The following CA4 variants were observed in gnomAD, a reference collection of about 807,000 sequenced individuals.
CA4 encodes the protein CA-IV.
In CA4, 24 loss-of-function variants were observed where a neutral mutation model predicts 34.5. The observed-to-expected ratio is 0.70, with a 90% CI of 0.50 to 0.98. The LOEUF (loss-of-function observed/expected upper bound fraction) is 0.98, where lower values mean the gene tolerates loss of function less well. CA4 is among the 50% of genes least tolerant of loss of function. The pLI, the probability that CA4 is intolerant of heterozygous loss-of-function variation, is 0.00. For synonymous variants in CA4, 178 were observed against 170.6 expected, an observed-to-expected ratio of 1.04 and a Z score of -0.34; for missense variants, 394 against 396.7, an observed-to-expected ratio of 0.99 and a Z score of 0.06.
downstream of CA4, among the ~76,000 whole-genome samples, chr17:60,164,009 G>A (rs2083824969): frequency 1.3e-5 from 2 of 151,832 alleles, no homozygotes; most frequent in South Asian, 4.1e-4. Context: ...CACGCCTATG[G>A]TCCCAGTTAC....
At chr17:60,156,834 T>C in intron 3 of CA4, 119 bp downstream of exon 3, 1 of 935,976 alleles carries the variant, frequency 1.1e-6, no homozygotes, top group Non-Finnish European at 1.7e-6. Context: ...GTGAGGTGGC[T>C]GAAAATCCCA....
chr17:60,157,883 C>T (rs985306190), intron 5 of CA4, 95 bp downstream of exon 5: 18 of 1,493,108 alleles, frequency 1.2e-5, no homozygotes, highest in African/African-American at 5.6e-5. Context: ...CAGGAGGGGG[C>T]GGGGAGACTC....
At chr17:60,172,189 G>C (rs1169610972), downstream of CA4, among the ~76,000 whole-genome samples, 1 of 152,152 alleles carries the variant, frequency 6.6e-6, no homozygotes, top group African/African-American at 2.4e-5. Flanking sequence ...AAAACCATCA[G>C]ATCAGCAGAG....
chr17:60,163,724 T>C (rs537122778), downstream of CA4, among the ~76,000 whole-genome samples: 4 of 152,146 alleles, frequency 2.6e-5, no homozygotes, highest in South Asian at 8.3e-4. Flanking sequence ...GCTCCTCAGG[T>C]TGTTCCAAGT....
chr17:60,159,127 C>T, intron 7 of CA4, 103 bp from the exon 8 acceptor site: 2 of 1,012,106 alleles, frequency 2.0e-6, no homozygotes, highest in East Asian at 2.6e-5. Flanking sequence ...CCCCTCTTTC[C>T]TAATGAGGGC....
chr17:60,157,959 C>T (rs1230346394), intron 5 of CA4, 102 bp from the exon 6 acceptor site: 1 of 1,562,788 alleles, frequency 6.4e-7, no homozygotes, highest in Admixed American at 1.9e-5. Context: ...GAGCCTCAAT[C>T]CCAGAAGCTG....
intron 5 of CA4, among the ~76,000 whole-genome samples, chr17:60,168,558 CT>C (rs56975820): frequency 0.028 from 2,550 of 90,126 alleles, 142 homozygotes; most frequent in African/African-American, 0.079. Context: ...AGGGTGATTT[CT>C]TTTTTTTTTT....
chr17:60,157,259 G>A (rs760667084), intron 3 of CA4, among the ~76,000 whole-genome samples, 168 bp from the exon 4 acceptor site: 3 of 152,210 alleles, frequency 2.0e-5, no homozygotes, highest in Admixed American at 6.5e-5. Flanking sequence ...GGAAAGGTCC[G>A]GGGCTGTCCC....
intron 5 of CA4, 37 bp downstream of exon 5, chr17:60,157,825 G>T: frequency 1.3e-6 from 2 of 1,581,750 alleles, no homozygotes; most frequent in Admixed American, 3.3e-5. Context: ...GGGAACCCGG[G>T]GCTGAGAGCT....
At chr17:60,155,712 C>T (rs548593264) in intron 2 of CA4, among the ~76,000 whole-genome samples, 112 of 152,210 alleles carry the variant, frequency 7.4e-4, no homozygotes, top group African/African-American at 2.6e-3. Flanking sequence ...ACTCTCCTGT[C>T]CTGGTGCTCA....
chr17:60,167,308 T>C (rs1292487468), intron 5 of CA4, among the ~76,000 whole-genome samples: 1 of 152,116 alleles, frequency 6.6e-6, no homozygotes, highest in Non-Finnish European at 1.5e-5. Flanking sequence ...CCTGGAGCGC[T>C]CTCCCCCACC....
At chr17:60,155,697 C>T (rs1002964917) in intron 2 of CA4, among the ~76,000 whole-genome samples, 1 of 152,044 alleles carries the variant, frequency 6.6e-6, no homozygotes, top group Non-Finnish European at 1.5e-5. Flanking sequence ...CAAACACACA[C>T]TCACACTCTC....
chr17:60,153,124 G>T (rs1358510956), intron 1 of CA4, among the ~76,000 whole-genome samples: 1 of 152,122 alleles, frequency 6.6e-6, no homozygotes, highest in East Asian at 1.9e-4. Flanking sequence ...GATCATTTGA[G>T]GTCAGGAGTT....
downstream of CA4, among the ~76,000 whole-genome samples, chr17:60,175,189 A>ATTTTTTT (rs555031745): frequency 0.025 from 2,638 of 107,518 alleles, 349 homozygotes; most frequent in African/African-American, 0.12. Flanking sequence ...CACCCAGCTG[A>ATTTTTTT]TTTTTTTTTT....
chr17:60,163,323 T>G (rs929882607), downstream of CA4, among the ~76,000 whole-genome samples: 2 of 152,030 alleles, frequency 1.3e-5, no homozygotes, highest in African/African-American at 4.8e-5. Context: ...GCTCTGAGCT[T>G]GTGTGTGTGT....
chr17:60,155,038 T>C (rs1049590741), intron 1 of CA4, among the ~76,000 whole-genome samples: 1 of 152,202 alleles, frequency 6.6e-6, no homozygotes, highest in African/African-American at 2.4e-5. Flanking sequence ...ATGTTAGAGA[T>C]GAGTGGCCTC....
chr17:60,161,636 A>T (rs1205409756), downstream of CA4, among the ~76,000 whole-genome samples: 6 of 145,198 alleles, frequency 4.1e-5, no homozygotes, highest in Admixed American at 3.5e-4. Context: ...ACCCCCAGTC[A>T]GCCCAGGGAG....
rs1567733063 is a variant in CA4, at chr17:60,159,337, CG to C, written c.856del (p.Ala286ProfsTer50). The C allele has an allele frequency of 1.2e-6, 2 of 1,608,462 alleles. No homozygotes were observed. Among genetic ancestry groups the C allele is most frequent in the Non-Finnish European group, 1.7e-6 (2 of 1,177,564 alleles). ...QLGQRTVIKS[G>X]APGRPLPWAL... is the part of the protein sequence containing the mutation. ...TGGGGCAGCGCACGGTGATAAAGTC[CG>C]GGGCCCCGGGTCGGCCGCTGCCCTG... On this transcript the variant is annotated frameshift_variant, in exon 8 of 8. Coordinates refer to ENST00000300900, the MANE Select transcript of CA4 (RefSeq NM_000717.5). LOFTEE classifies it low-confidence loss of function (END_TRUNC).
intron 2 of CA4, 129 bp downstream of exon 2, chr17:60,155,496 C>A: frequency 1.5e-4 from 91 of 619,214 alleles, no homozygotes; most frequent in Middle Eastern, 3.9e-4. Context: ...CAGTTCCCAG[C>A]ATACACACAC....
Sources: gnomAD v4.1 joint callset for allele counts (sites outside exome capture counted in the v4.1 genomes callset) on GRCh38, gnomAD v4.1.1 for gene constraint, MANE v1.5 for transcripts, NCBI Gene and HGNC (gene_info 2026-07-23, HGNC 2026-07-21) for gene names.